The following TWNK variants were observed in gnomAD, a reference collection of about 807,000 sequenced individuals.
TWNK encodes the protein twinkle mtDNA helicase.
Under a neutral mutation model 58.2 loss-of-function variants are expected in TWNK, and 36 were observed. That is an observed-to-expected ratio of 0.62 (90% CI 0.47 to 0.82). The LOEUF (loss-of-function observed/expected upper bound fraction) is 0.82. Among genes scored for constraint, TWNK ranks in the 40% least tolerant of loss-of-function variants. The pLI is 0.00. For missense variants in TWNK, 714 were observed against 881.0 expected, an observed-to-expected ratio of 0.81 and a Z score of 2.40; for synonymous variants, 349 against 348.5, an observed-to-expected ratio of 1.00 and a Z score of -0.02.
At position 100,993,688 on chromosome 10, in the gene TWNK, A is replaced by C. The variant is rs62626294; in HGVS notation, c.*178A>C. On this transcript the variant is annotated 3_prime_UTR_variant, in exon 5 of 5. Transcript: ENST00000311916. ...CAATGTAGCAGACTACTGAGAAACT[A>C]CTGTGTTGCTCAGGCTTTGTTTGAG... 4.4e-6 allele frequency: 3 copies of C among 689,550 alleles called. No homozygotes were observed. In the African/African-American group the frequency reaches 5.4e-5, roughly 12 times the overall value. The allele number at this position is 689,550 out of a possible 1,614,324, so 42.7% of individuals were successfully genotyped here. A position where few individuals can be genotyped will look rare whatever the true frequency, so the allele number is the denominator to read the frequency against.
chr10:100,989,555 C>CT lies in TWNK; in HGVS notation c.1244-86dup. On this transcript the variant is annotated intron_variant, in intron 1 of 4. Coordinates refer to ENST00000311916, the MANE Select transcript of TWNK (RefSeq NM_021830.5). This position sits in a 1 kb window ranked among gnomAD's most constrained non-coding sequence, Gnocchi z 7.6. The stretch of plus-strand genomic sequence containing the variant: ...GACAATGTTGAAAAGAAGGTTGGCC[C>CT]TTTCCCCCCAGTTTTAAAGCCCTGA... 1 of 1,610,502 alleles carries CT rather than the reference C, an allele frequency of 6.2e-7. No individual in the cohort carries two copies. Among genetic ancestry groups the CT allele is most frequent in the Non-Finnish European group, 8.5e-7 (1 of 1,179,030 alleles).
rs1851862259 is a variant in TWNK, at chr10:100,994,151, A to G, written c.*641A>G. The G allele has an allele frequency of 6.5e-6, 1 of 154,770 alleles. No individual in the cohort carries two copies. Among genetic ancestry groups the G allele is most frequent in the Non-Finnish European group, 1.4e-5 (1 of 69,768 alleles). The allele number at this position is 154,770 out of a possible 1,614,324, so 9.6% of individuals were successfully genotyped here. A position where few individuals can be genotyped will look rare whatever the true frequency, so the allele number is the denominator to read the frequency against. On this transcript the variant is annotated 3_prime_UTR_variant, in exon 5 of 5. Transcript: ENST00000311916. The stretch of plus-strand genomic sequence containing the variant: ...TGGGTACCAAGCTCCTCTGCTCCCC[A>G]CTTTGTAGAGCCTAGCATGAGGTGG...
Position 100,993,032 on chromosome 10 carries a change from C to T in TWNK, c.1735-158C>T, listed in dbSNP as rs146494077. Among the ~76,000 whole-genome samples the T allele has an allele frequency of 1.2e-3, 184 of 152,248 alleles. 2 individuals carry two copies. The highest frequency in any genetic ancestry group is 8.3e-3 in the South Asian group (40 of 4,818). The stretch of plus-strand genomic sequence containing the variant: ...TGATTTCCTGACATCGTGATCCACT[C>T]GACTCGGCCTCCCAAAGTTCTGGGA... On this transcript the variant is annotated intron_variant, in intron 4 of 4. Coordinates refer to ENST00000311916, the MANE Select transcript of TWNK (RefSeq NM_021830.5).
rs764350676 is a variant in TWNK, at chr10:100,989,232, G to A, written c.1022G>A (p.Arg341His). The A allele has an allele frequency of 4.3e-6, 7 of 1,614,132 alleles. No homozygotes were observed. Among genetic ancestry groups the A allele is most frequent in the Admixed American group, 1.7e-5 (1 of 60,012 alleles). The stretch of plus-strand genomic sequence containing the variant: ...GTGCGACCAGGAGACCAGCAACCCC[G>A]TCCCCTGGAGGCCCTGAACGGAGGC... ...FLVRPGDQQP[R>H]PLEALNGGFN... The change falls in exon 1 of 5, where the codon CGT (arginine) becomes CAT (histidine). Residue 341 changes from arginine to histidine, a missense_variant. Physicochemically the swap from Arg to His is conservative, Grantham distance 29. Coordinates refer to ENST00000311916, the MANE Select transcript of TWNK (RefSeq NM_021830.5). This position sits in a 1 kb window ranked among gnomAD's most constrained non-coding sequence, Gnocchi z 7.6.
chr10:100,987,815 A>G lies in TWNK; in HGVS notation c.-396A>G, dbSNP rs1851614640. The G allele has an allele frequency of 1.7e-6, 1 of 588,048 alleles. No homozygotes were observed. The highest frequency in any genetic ancestry group is 3.0e-6 in the Non-Finnish European group (1 of 332,736). The allele number at this position is 588,048 out of a possible 1,614,324, so 36.4% of individuals were successfully genotyped here. ...AGTCGGGGCCTAGGGCAAAGGGACTACAAAAAGGATGCAGATGACTATAGA... is the reference window on the plus strand; with the variant it reads ...AGTCGGGGCCTAGGGCAAAGGGACTGCAAAAAGGATGCAGATGACTATAGA... On this transcript the variant is annotated 5_prime_UTR_variant, in exon 1 of 5. Transcript: ENST00000311916.
At position 100,989,195 on chromosome 10, in the gene TWNK, C is replaced by T. The variant is rs1851689793; in HGVS notation, c.985C>T (p.Arg329Ter). ...KLFARKLNPK[R>*]CFLVRPGDQQ... ...GTTTGCACGAAAACTGAACCCCAAACGATGCTTCTTGGTGCGACCAGGAGA... is the reference window on the plus strand; with the variant it reads ...GTTTGCACGAAAACTGAACCCCAAATGATGCTTCTTGGTGCGACCAGGAGA... Residue 329 changes from arginine (R) to a stop codon, truncating the protein, a stop_gained, in exon 1 of 5, where the codon CGA becomes TGA. Coordinates refer to ENST00000311916, the MANE Select transcript of TWNK (RefSeq NM_021830.5). LOFTEE classifies it high-confidence loss of function. The surrounding 1 kb of genome is among the most constrained non-coding windows in gnomAD (Gnocchi z 7.6). The T allele has an allele frequency of 3.7e-6, 6 of 1,613,930 alleles. No individual in the cohort carries two copies. Among genetic ancestry groups the T allele is most frequent in the African/African-American group, 1.3e-5 (1 of 75,042 alleles).
chr10:100,989,335 G>A lies in TWNK; in HGVS notation c.1125G>A (p.Glu375=), dbSNP rs762276157. 2 of 1,614,064 alleles carry A rather than the reference G, an allele frequency of 1.2e-6. No homozygotes were observed. The highest frequency in any genetic ancestry group is 1.1e-5 in the South Asian group (1 of 91,094). ...TCGTATCTTTCCGGCAGCTTCGGGAGGAGGTGCTAGGAGAACTGTCAAATG... is the reference window on the plus strand; with the variant it reads ...TCGTATCTTTCCGGCAGCTTCGGGAAGAGGTGCTAGGAGAACTGTCAAATG... ...KSIVSFRQLR[E]EVLGELSNVE... The change falls in exon 1 of 5, where the codon GAG becomes GAA. Residue 375 remains glutamate, a synonymous_variant. Coordinates refer to ENST00000311916, the MANE Select transcript of TWNK (RefSeq NM_021830.5). The surrounding 1 kb of genome is among the most constrained non-coding windows in gnomAD (Gnocchi z 7.6).
chr10:100,991,075 C>T, intron 4 of TWNK, 65 bp downstream of exon 4: 1 of 1,608,532 alleles, frequency 6.2e-7, no homozygotes, highest in Non-Finnish European at 8.5e-7. Context: ...CCAGGGACAG[C>T]CCTCATTCAG....
rs779788390 is a variant in TWNK at position 100,990,903 on chromosome 10, C to T, written c.1627C>T (p.Arg543Trp). ...AAQDYIIGVF[R>W]KFATDNNCHV... ...TCAAGACTACATCATCGGGGTCTTT[C>T]GGAAGTTTGCAACAGACAATAACTG... Residue 543 changes from arginine to tryptophan, a missense_variant, in exon 4 of 5, where the codon CGG becomes TGG. This residue lies in a region of TWNK where 302 missense variants were observed against 438.6 expected (regional missense o/e 0.69). Coordinates refer to ENST00000311916, the MANE Select transcript of TWNK (RefSeq NM_021830.5). The T allele has an allele frequency of 6.2e-6, 10 of 1,614,220 alleles. No homozygotes were observed. The highest frequency in any genetic ancestry group is 3.3e-5 in the Admixed American group (2 of 60,020).
chr10:100,989,637 A>G lies in TWNK; in HGVS notation c.1244-7A>G. 1 of 1,613,914 alleles carries G rather than the reference A, an allele frequency of 6.2e-7. No homozygotes were observed. Among genetic ancestry groups the G allele is most frequent in the Non-Finnish European group, 8.5e-7 (1 of 1,180,006 alleles). The stretch of plus-strand genomic sequence containing the variant: ...TCCTCACCCAGGTCTGTTCCACCCC[A>G]CTGCAGGGCCAACAGGCAGTGGAAA... On this transcript the variant is annotated splice_region_variant and splice_polypyrimidine_tract_variant and intron_variant, in intron 1 of 4. Transcript: ENST00000311916. The surrounding 1 kb of genome is among the most constrained non-coding windows in gnomAD (Gnocchi z 7.6).
chr10:100,988,217 G>C lies in TWNK; in HGVS notation c.7G>C (p.Val3Leu). The C allele has an allele frequency of 6.2e-7, 1 of 1,614,098 alleles. No individual in the cohort carries two copies. Among genetic ancestry groups the C allele is most frequent in the East Asian group, 2.2e-5 (1 of 44,876 alleles). Reference protein sequence around the residue: MWVLLRSGYPLRI... With the variant: MWLLLRSGYPLRI... ...TTCCCACATTTGGCTAGGAATGTGG[G>C]TCCTCCTCCGAAGTGGGTACCCCCT... Residue 3 changes from valine to leucine, a missense_variant, in exon 1 of 5, where the codon GTC becomes CTC. This residue lies in a region of TWNK where 348 missense variants were observed against 388.4 expected (regional missense o/e 0.90). Coordinates refer to ENST00000311916, the MANE Select transcript of TWNK (RefSeq NM_021830.5). This position sits in a 1 kb window ranked among gnomAD's most constrained non-coding sequence, Gnocchi z 5.2.
chr10:100,993,527 G>A lies in TWNK; in HGVS notation c.*17G>A. 1 of 1,613,854 alleles carries A rather than the reference G, an allele frequency of 6.2e-7. No individual in the cohort carries two copies. The highest frequency in any genetic ancestry group is 8.5e-7 in the Non-Finnish European group (1 of 1,179,872). ...TCAAAGTGAAGGCCGTGCAGAGCTG[G>A]TCACTGAAATGAGCCTGATAGGATA... On this transcript the variant is annotated 3_prime_UTR_variant, in exon 5 of 5. Coordinates refer to ENST00000311916, the MANE Select transcript of TWNK (RefSeq NM_021830.5).
chr10:100,990,425 C>T lies in TWNK; in HGVS notation c.1485-11C>T, dbSNP rs374567545. ...ACAACTTGTCAAATTCCTTGCCTTT[C>T]CTCTTCCCAGGACTGTAATAGATAC... On this transcript the variant is annotated splice_polypyrimidine_tract_variant and intron_variant, in intron 2 of 4. Transcript: ENST00000311916. 9.0e-5 allele frequency: 144 copies of T among 1,608,008 alleles called. 1 individual carries two copies. In the African/African-American group the frequency reaches 1.7e-3, roughly 20 times the overall value.
chr10:100,989,503 T>A lies in TWNK; in HGVS notation c.1243+50T>A, dbSNP rs748317295. The A allele has an allele frequency of 2.5e-6, 4 of 1,610,948 alleles. No individual in the cohort carries two copies. The South Asian group carries it at 4.4e-5, about 18-fold the overall frequency. On this transcript the variant is annotated intron_variant, in intron 1 of 4. Transcript: ENST00000311916. The surrounding 1 kb of genome is among the most constrained non-coding windows in gnomAD (Gnocchi z 7.6). ...TAGAGTAAAGGGGCAGAAGATCAGG[T>A]GACAAAAGCAAGTGGGTTTGGGCCA...
chr10:100,991,481 C>T (rs1373599630), intron 4 of TWNK, among the ~76,000 whole-genome samples: 1 of 152,168 alleles, frequency 6.6e-6, no homozygotes, highest in Non-Finnish European at 1.5e-5. Flanking sequence ...CACTGAATGC[C>T]TATTACATAC....
intron 2 of TWNK, 49 bp from the exon 3 acceptor site, chr10:100,990,387 G>GGGT: frequency 7.5e-7 from 1 of 1,335,052 alleles, no homozygotes; most frequent in Non-Finnish European, 1.1e-6. Flanking sequence ...CTTCTGCCTG[G>GGGT]GGTGGTCTAG....
At position 100,993,186 on chromosome 10, in the gene TWNK, C is replaced by G; in HGVS notation, c.1735-4C>G. 6.2e-7 allele frequency: 1 copy of G among 1,614,134 alleles called. No homozygotes were observed. The highest frequency in any genetic ancestry group is 1.1e-5 in the South Asian group (1 of 91,080). On this transcript the variant is annotated splice_polypyrimidine_tract_variant and splice_region_variant and intron_variant, in intron 4 of 4. Transcript: ENST00000311916. Reference sequence around the variant, plus strand: ...CTTTCCTCCTTCTGCCCCCTGTTCCCCAGGCAAGCCAGGAAGCAGACAATG... The same window carrying G: ...CTTTCCTCCTTCTGCCCCCTGTTCCGCAGGCAAGCCAGGAAGCAGACAATG...
In TWNK at chr10:100,988,664, G is replaced by C. The variant is rs760224175; in HGVS notation, c.454G>C (p.Glu152Gln). The C allele has an allele frequency of 3.7e-5, 60 of 1,613,982 alleles. No individual in the cohort carries two copies. Among genetic ancestry groups the C allele is most frequent in the Non-Finnish European group, 4.9e-5 (58 of 1,180,010 alleles). ...LSKAPEFEDS[E>Q]EVRRIWNRAI... Reference sequence around the variant, plus strand: ...CAAGGCACCAGAATTTGAGGACAGCGAGGAGGTCCGGAGGATCTGGAACCG... The same window carrying C: ...CAAGGCACCAGAATTTGAGGACAGCCAGGAGGTCCGGAGGATCTGGAACCG... Residue 152 changes from glutamate to glutamine, a missense_variant, in exon 1 of 5, where the codon GAG becomes CAG. Glu to Gln is a conservative substitution (Grantham distance 29). Transcript: ENST00000311916. This position sits in a 1 kb window ranked among gnomAD's most constrained non-coding sequence, Gnocchi z 5.2.
chr10:100,987,938 G>A lies in TWNK; in HGVS notation c.-273G>A. The A allele has an allele frequency of 1.6e-6, 1 of 620,142 alleles. No homozygotes were observed. The highest frequency in any genetic ancestry group is 1.9e-5 in the South Asian group (1 of 53,722). The allele number at this position is 620,142 out of a possible 1,614,324, so 38.4% of individuals were successfully genotyped here. Reference sequence around the variant, plus strand: ...GAGGAACTGTATAGAGGGTCATAGAGGTGAGGTGGCGGAGAGAAACTAACT... The same window carrying A: ...GAGGAACTGTATAGAGGGTCATAGAAGTGAGGTGGCGGAGAGAAACTAACT... On this transcript the variant is annotated 5_prime_UTR_variant, in exon 1 of 5. Transcript: ENST00000311916.
Sources: gnomAD v4.1 joint callset for allele counts (sites outside exome capture counted in the v4.1 genomes callset) on GRCh38, gnomAD v4.1.1 for gene constraint, gnomAD v4.1.1 regional missense constraint, Gnocchi (gnomAD v3.1) non-coding constraint, MANE v1.5 for transcripts, NCBI Gene and HGNC (gene_info 2026-07-23, HGNC 2026-07-21) for gene names.